SERINC3: variants seen among roughly 807,000 people sequenced by gnomAD.
SERINC3 encodes serine incorporator 3.
In SERINC3, 22 loss-of-function variants were observed where a neutral mutation model predicts 52.1. The ratio of observed to expected loss-of-function variants is 0.42; its 90% CI spans 0.30 to 0.60. The LOEUF (loss-of-function observed/expected upper bound fraction) is 0.60. SERINC3 is among the 20% of genes least tolerant of loss of function. The pLI, the probability that SERINC3 is intolerant of heterozygous loss-of-function variation, is 0.16. For missense variants in SERINC3, 564 were observed against 584.6 expected (o/e 0.96, Z 0.36); for synonymous variants, 226 against 212.7 (o/e 1.06, Z -0.54).
In SERINC3 at chr20:44,500,089, TAGAAGTAAACATAATATACAGATAAATG is replaced by T; in HGVS notation, c.*179_*206del. On this transcript the variant is annotated 3_prime_UTR_variant, in exon 10 of 10. Coordinates refer to ENST00000342374, the MANE Select transcript of SERINC3 (RefSeq NM_006811.4). ...AAATGTTCCCTTTGTGCTATATCCT[TAGAAGTAAACATAATATACAGATAAATG>T]AGAAGTTTCGATTCTGCATCAAGCA... The T allele has an allele frequency of 1.9e-6, 1 of 536,366 alleles. No homozygotes were observed. The allele number at this position is 536,366 out of a possible 1,614,324, so 33.2% of individuals were successfully genotyped here.
In SERINC3 at chr20:44,504,004, G is replaced by T; in HGVS notation, c.875-9C>A. ...GGGATTGCAGGAACGATCTGAAAAT[G>T]AGAAAATTTGTATTATCCTTGGTTA... On this transcript the variant is annotated splice_polypyrimidine_tract_variant and intron_variant, in intron 7 of 9. Transcript: ENST00000342374. The T allele has an allele frequency of 6.4e-7, 1 of 1,571,144 alleles. No individual in the cohort carries two copies. Among genetic ancestry groups the T allele is most frequent in the African/African-American group, 1.4e-5 (1 of 72,078 alleles).
intron 6 of SERINC3, among the ~76,000 whole-genome samples, chr20:44,506,085 G>A (rs898626431): frequency 6.6e-6 from 1 of 151,402 alleles, no homozygotes; most frequent in African/African-American, 2.4e-5. Context: ...TGGATCACCT[G>A]AGGTCAGGAG....
At chr20:44,507,474 C>T (rs944650100) in intron 5 of SERINC3, among the ~76,000 whole-genome samples, 1 of 152,198 alleles carries the variant, frequency 6.6e-6, no homozygotes, top group African/African-American at 2.4e-5. Context: ...AATCCATTTC[C>T]CATCACAAAC....
chr20:44,513,046 C>T (rs1427663859), intron 2 of SERINC3, 52 bp from the exon 3 acceptor site: 4 of 1,216,898 alleles, frequency 3.3e-6, no homozygotes, highest in Admixed American at 3.0e-5. Context: ...TAGACAGAGA[C>T]TCTAACCCAC....
At chr20:44,505,095 C>A (rs558204299) in intron 6 of SERINC3, among the ~76,000 whole-genome samples, 1 of 152,342 alleles carries the variant, frequency 6.6e-6, no homozygotes, top group South Asian at 2.1e-4. Flanking sequence ...TACTGGTTCT[C>A]AACGCATTTC....
At chr20:44,519,368 A>G (rs2064401558) in intron 1 of SERINC3, 2 of 961,800 alleles carry the variant, frequency 2.1e-6, no homozygotes, top group Admixed American at 1.2e-4. Flanking sequence ...GATTGAGACC[A>G]TCCTGGCGTG....
rs2064272118 is a variant in SERINC3 at position 44,500,401 on chromosome 20, C to T, written c.1317G>A (p.Lys439=). The T allele has an allele frequency of 6.3e-7, 1 of 1,584,112 alleles. No individual in the cohort carries two copies. Among genetic ancestry groups the T allele is most frequent in the Admixed American group, 1.8e-5 (1 of 54,568 alleles). ...PDAKFQSMTS[K]WPAVWVKISS... ...TGATCTTGACCCACACAGCTGGCCA[C>T]TTGCTGGTCATGCTCTGAAACTTTG... The change falls in exon 10 of 10, where the codon AAG becomes AAA. Residue 439 remains lysine (K), a synonymous_variant. Transcript: ENST00000342374.
chr20:44,501,919 C>G (rs748679798), intron 8 of SERINC3, among the ~76,000 whole-genome samples: 1 of 152,170 alleles, frequency 6.6e-6, no homozygotes, highest in Non-Finnish European at 1.5e-5. Context: ...TCAACAGACA[C>G]AGAAAAAACA....
In SERINC3 at chr20:44,500,334, C is replaced by G; in HGVS notation, c.1384G>C (p.Val462Leu). ...VCLLLYVWTL[V>L]APLVLTSRDF... ...CGACTGGTGAGGACAAGTGGAGCCA[C>G]AAGGGTCCAGACGTAAAGCAGGAGG... The change falls in exon 10 of 10, where the codon GTG becomes CTG. Residue 462 changes from valine (V) to leucine (L), a missense_variant. Transcript: ENST00000342374. 6.2e-7 allele frequency: 1 copy of G among 1,610,976 alleles called. No homozygotes were observed.
At chr20:44,520,757 T>C (rs572240030) in intron 1 of SERINC3, among the ~76,000 whole-genome samples, 1 of 152,282 alleles carries the variant, frequency 6.6e-6, no homozygotes, top group Non-Finnish European at 1.5e-5. Context: ...GAATCTAAAA[T>C]TAAAAATACA....
intron 5 of SERINC3, among the ~76,000 whole-genome samples, chr20:44,508,346 G>T (rs1187239993): frequency 6.6e-6 from 1 of 151,788 alleles, no homozygotes; most frequent in Non-Finnish European, 1.5e-5. Context: ...GGTGGTGTAG[G>T]CGTGGTAGTG....
intron 3 of SERINC3, among the ~76,000 whole-genome samples, chr20:44,511,795 C>T (rs553807202): frequency 6.6e-6 from 1 of 152,324 alleles, no homozygotes; most frequent in Non-Finnish European, 1.5e-5. Flanking sequence ...TCATCACTGG[C>T]ACCTGATTTT....
intron 1 of SERINC3, among the ~76,000 whole-genome samples, chr20:44,518,681 TTGGC>T (rs1470591627): frequency 6.6e-6 from 1 of 151,892 alleles, no homozygotes; most frequent in African/African-American, 2.4e-5. Flanking sequence ...TTAGAAAGCC[TTGGC>T]TGGGTGCAGT....
chr20:44,512,939 T>G lies in SERINC3; in HGVS notation c.257A>C (p.Asp86Ala). ...FKIHEADINA[D>A]KDCDVLVGYK... is the part of the protein sequence containing the mutation. ...ACCAACCAGCACATCACAATCTTTA[T>G]CTGCATTTATATCAGCCTCATGGAT... The change falls in exon 3 of 10, where the codon GAT becomes GCT. Residue 86 changes from aspartate to alanine, a missense_variant. Transcript: ENST00000342374. 6.5e-7 allele frequency: 1 copy of G among 1,544,830 alleles called. No homozygotes were observed. The highest frequency in any genetic ancestry group is 2.5e-5 in the East Asian group (1 of 40,786).
Position 44,499,678 on chromosome 20 carries a change from TCAAG to T in SERINC3, c.*614_*617del, listed in dbSNP as rs1421784472. On this transcript the variant is annotated 3_prime_UTR_variant, in exon 10 of 10. Coordinates refer to ENST00000342374, the MANE Select transcript of SERINC3 (RefSeq NM_006811.4). ...CATCTGGCAAAGCACCAGACTTGAA[TCAAG>T]CAGTCTCAATGCTACAGTGTAAAAA... 1 of 152,312 alleles carries T rather than the reference TCAAG, an allele frequency of 6.6e-6. No homozygotes were observed. Among genetic ancestry groups the T allele is most frequent in the Non-Finnish European group, 1.5e-5 (1 of 68,030 alleles). 9.4% of individuals were successfully genotyped at this position (152,312 alleles called of 1,614,324 possible).
chr20:44,518,644 T>C (rs1476779889), intron 1 of SERINC3, among the ~76,000 whole-genome samples: 1 of 152,102 alleles, frequency 6.6e-6, no homozygotes, highest in African/African-American at 2.4e-5. Flanking sequence ...TAGAAGCCTT[T>C]CTCCCAGCTT....
intron 1 of SERINC3, among the ~76,000 whole-genome samples, chr20:44,519,961 G>T (rs34513695): frequency 2.2e-4 from 33 of 152,128 alleles, no homozygotes; most frequent in Admixed American, 2.2e-3. Flanking sequence ...GCAGCCCCTA[G>T]GTGGCTTCAT....
chr20:44,517,452 G>A (rs936278649), intron 1 of SERINC3, among the ~76,000 whole-genome samples: 2 of 152,150 alleles, frequency 1.3e-5, no homozygotes, highest in Non-Finnish European at 2.9e-5. Context: ...AGAGTGAGCA[G>A]CTAATTCAAT....
At chr20:44,511,177 G>T in intron 4 of SERINC3, 112 bp downstream of exon 4, 2 of 728,718 alleles carry the variant, frequency 2.7e-6, no homozygotes, top group Non-Finnish European at 4.7e-6. Flanking sequence ...GCCTCCCAAA[G>T]TGCTGAGCTT....
Sources: allele counts gnomAD v4.1 joint callset (sites outside exome capture counted in the v4.1 genomes callset), GRCh38; gene constraint gnomAD v4.1.1; transcripts MANE v1.5; gene names NCBI Gene and HGNC (gene_info 2026-07-23, HGNC 2026-07-21).